DLGAP2: variants seen among roughly 807,000 people sequenced by gnomAD.
DLGAP2 encodes DLG associated protein 2.
Under a neutral mutation model 100.3 loss-of-function variants are expected in DLGAP2, and 26 were observed. The observed-to-expected ratio is 0.26, with a 90% CI of 0.19 to 0.36. DLGAP2 has a LOEUF of 0.36. Among genes scored for constraint, DLGAP2 ranks in the 10% least tolerant of loss-of-function variants. The probability of loss-of-function intolerance (pLI) is 1.00; values close to 1 mark genes in which losing one functional copy is unlikely to be tolerated. For missense variants in DLGAP2, 1,858 were observed against 1,453.2 expected (o/e 1.28, Z -4.53); for synonymous variants, 886 against 630.1 (o/e 1.41, Z -6.08).
At chr8:835,008 T>C (rs1285419559) in intron 1 of DLGAP2, among the ~76,000 whole-genome samples, 1 of 152,238 alleles carries the variant, frequency 6.6e-6, no homozygotes, top group African/African-American at 2.4e-5. Context: ...GTCTACATTA[T>C]GTTGGGGTGC....
chr8:1,021,123 A>G (rs1333303400), intron 2 of DLGAP2, among the ~76,000 whole-genome samples: 1 of 152,222 alleles, frequency 6.6e-6, no homozygotes, highest in Admixed American at 6.5e-5. Context: ...CCTACAGATA[A>G]TTAATATCAA....
chr8:1,513,473 G>C (rs188253202), intron 4 of DLGAP2, among the ~76,000 whole-genome samples: 1 of 152,246 alleles, frequency 6.6e-6, no homozygotes, highest in African/African-American at 2.4e-5. Flanking sequence ...GGTGGGAGCG[G>C]TGCAAGCACA....
At chr8:833,672 C>T (rs183676220) in intron 1 of DLGAP2, among the ~76,000 whole-genome samples, 20 of 152,316 alleles carry the variant, frequency 1.3e-4, no homozygotes, top group Middle Eastern at 3.4e-3. Context: ...CACGTGAGGT[C>T]ACCAGTTCTC....
At chr8:1,194,911 A>G (rs1227838554) in intron 2 of DLGAP2, among the ~76,000 whole-genome samples, 2 of 152,210 alleles carry the variant, frequency 1.3e-5, no homozygotes, top group South Asian at 2.1e-4. Flanking sequence ...TGCTGAGACC[A>G]CCTGGGCGTT....
rs548027101 is a variant in DLGAP2 at position 948,622 on chromosome 8, C to T, written c.73+40656C>T. On this transcript the variant is annotated intron_variant, in intron 2 of 14. Transcript: ENST00000637795. ...GGGTTCCTCAAGGCGCCGTGGAAGG[C>T]GAGGCTGCGTTCTCAGAGCCAGGCC... Among the ~76,000 whole-genome samples the T allele has an allele frequency of 1.2e-4, 18 of 152,356 alleles. 1 individual carries two copies. In the South Asian group the frequency reaches 3.3e-3, roughly 28 times the overall value.
intron 2 of DLGAP2, among the ~76,000 whole-genome samples, chr8:972,505 T>C (rs1232089804): frequency 1.3e-5 from 2 of 152,220 alleles, no homozygotes; most frequent in Non-Finnish European, 2.9e-5. Context: ...TGACAAATGC[T>C]TTTGATGGTC....
At chr8:1,251,574 C>T (rs1433611081) in intron 2 of DLGAP2, among the ~76,000 whole-genome samples, 1 of 152,212 alleles carries the variant, frequency 6.6e-6, no homozygotes, top group Non-Finnish European at 1.5e-5. Context: ...GCTGGGATTA[C>T]ACGTGCAAGC....
At chr8:1,235,447 G>A (rs1563270307) in intron 2 of DLGAP2, among the ~76,000 whole-genome samples, 2 of 152,014 alleles carry the variant, frequency 1.3e-5, no homozygotes, top group Non-Finnish European at 2.9e-5. Flanking sequence ...ATGGCGTCGT[G>A]TCTAGTTCCC....
intron 2 of DLGAP2, among the ~76,000 whole-genome samples, chr8:1,254,075 G>C (rs1448253233): frequency 1.3e-5 from 2 of 152,226 alleles, no homozygotes; most frequent in Non-Finnish European, 2.9e-5. Context: ...CCCTCCTGGG[G>C]GCACTGAGTG....
rs75974060 is a variant in DLGAP2, at chr8:1,675,828, GT to G, written c.2203-692del. 1.8e-3 allele frequency among the ~76,000 whole-genome samples: 253 copies of G among 140,314 alleles called. 2 individuals carry two copies. The highest frequency in any genetic ancestry group is 3.9e-3 in the African/African-American group (151 of 38,400). 92.1% of individuals were successfully genotyped at this position (140,314 alleles called of 152,430 possible). On this transcript the variant is annotated intron_variant, in intron 10 of 14. Coordinates refer to ENST00000637795, the MANE Select transcript of DLGAP2 (RefSeq NM_001346810.2). Reference sequence around the variant, plus strand: ...CAGTTTTCCTACTTGGTTTGGTTTTGTTTTTTTTTTTTTAGAGAACGTACTG... The same window carrying G: ...CAGTTTTCCTACTTGGTTTGGTTTTGTTTTTTTTTTTTAGAGAACGTACTG...
chr8:1,389,230 A>C (rs566961199), intron 3 of DLGAP2, among the ~76,000 whole-genome samples: 1 of 148,060 alleles, frequency 6.8e-6, no homozygotes, highest in African/African-American at 2.6e-5. Context: ...GAGGAGCGGT[A>C]CTCTGGAGGA....
chr8:743,526 C>T (rs1338867788), intron 1 of DLGAP2, among the ~76,000 whole-genome samples: 2 of 152,144 alleles, frequency 1.3e-5, no homozygotes, highest in African/African-American at 4.8e-5. Context: ...AACTCACATG[C>T]ACAGCCTACC....
In DLGAP2 at chr8:1,255,101, T is replaced by C. The variant is rs61720798; in HGVS notation, c.74-3750T>C. ...TGTGTGTGTGTCCTCTCATCCTGCC[T>C]GGGTGCTGTGTGTGTGTCCTCTCCT... On this transcript the variant is annotated intron_variant, in intron 2 of 14. Coordinates refer to ENST00000637795, the MANE Select transcript of DLGAP2 (RefSeq NM_001346810.2). 3.6e-3 allele frequency among the ~76,000 whole-genome samples: 387 copies of C among 108,008 alleles called. 2 individuals carry two copies. The highest frequency in any genetic ancestry group is 0.013 in the African/African-American group (287 of 22,380). The allele number at this position is 108,008 out of a possible 152,430, so 70.9% of individuals were successfully genotyped here.
chr8:1,228,680 G>A (rs1276738214), intron 2 of DLGAP2, among the ~76,000 whole-genome samples: 1 of 152,150 alleles, frequency 6.6e-6, no homozygotes, highest in Non-Finnish European at 1.5e-5. Flanking sequence ...AGAATAAAAA[G>A]GGGAAAATGA....
chr8:1,163,386 G>C (rs1356152980), intron 2 of DLGAP2, among the ~76,000 whole-genome samples: 1 of 152,114 alleles, frequency 6.6e-6, no homozygotes, highest in East Asian at 1.9e-4. Flanking sequence ...CCGCGGTTCC[G>C]GCTGGAGACG....
At chr8:1,076,972 G>A in intron 2 of DLGAP2, among the ~76,000 whole-genome samples, 1 of 147,520 alleles carries the variant, frequency 6.8e-6, no homozygotes, top group East Asian at 2.1e-4. Context: ...GGGGGAGGAG[G>A]AGTCTGTCCC....
chr8:758,324 G>A (rs1401246832), intron 1 of DLGAP2, among the ~76,000 whole-genome samples: 3 of 152,186 alleles, frequency 2.0e-5, no homozygotes, highest in African/African-American at 7.2e-5. Flanking sequence ...AGGCCTTTCT[G>A]TAGGTAGAGG....
intron 3 of DLGAP2, among the ~76,000 whole-genome samples, chr8:1,459,470 T>C (rs1798412362): frequency 6.6e-6 from 1 of 152,224 alleles, no homozygotes; most frequent in Admixed American, 6.5e-5. Flanking sequence ...GCTTGAAAGA[T>C]GTTCTATTCC....
At chr8:1,349,908 C>T (rs1219228042) in intron 3 of DLGAP2, among the ~76,000 whole-genome samples, 1 of 152,204 alleles carries the variant, frequency 6.6e-6, no homozygotes, top group African/African-American at 2.4e-5. Flanking sequence ...ATATTGAAAA[C>T]AAACACATTT....
Sources: gnomAD v4.1 joint callset for allele counts (sites outside exome capture counted in the v4.1 genomes callset) on GRCh38, gnomAD v4.1.1 for gene constraint, MANE v1.5 for transcripts, NCBI Gene and HGNC (gene_info 2026-07-23, HGNC 2026-07-21) for gene names.